KPNA4: variants seen among roughly 807,000 people sequenced by gnomAD.
The protein encoded by KPNA4 is importin subunit alpha-3.
A neutral mutation model predicts 71.3 loss-of-function variants in KPNA4; 13 were observed. The ratio of observed to expected loss-of-function variants is 0.18; its 90% CI spans 0.12 to 0.29. The LOEUF (loss-of-function observed/expected upper bound fraction) is 0.29. KPNA4 is among the 10% of genes least tolerant of loss of function. The probability of loss-of-function intolerance (pLI) is 1.00; values close to 1 mark genes in which losing one functional copy is unlikely to be tolerated. For synonymous variants in KPNA4, 189 were observed against 195.2 expected (o/e 0.97, Z 0.26); for missense variants, 334 against 603.2 (o/e 0.55, Z 4.67).
chr3:160,558,691 CT>C (rs1400958090), intron 1 of KPNA4, among the ~76,000 whole-genome samples: 1 of 152,122 alleles, frequency 6.6e-6, no homozygotes, highest in African/African-American at 2.4e-5. Context: ...TATGTGGGTC[CT>C]GAGACCTTTA....
chr3:160,531,753 C>T (rs1192704232), intron 5 of KPNA4, among the ~76,000 whole-genome samples, 196 bp from the exon 6 acceptor site: 1 of 151,436 alleles, frequency 6.6e-6, no homozygotes, highest in Non-Finnish European at 1.5e-5. Flanking sequence ...ATAGAGATGA[C>T]AAATAATTAG....
chr3:160,526,985 TG>T (rs1721473547), intron 8 of KPNA4, among the ~76,000 whole-genome samples: 1 of 152,196 alleles, frequency 6.6e-6, no homozygotes, highest in Non-Finnish European at 1.5e-5. Flanking sequence ...ATGTCAAGAA[TG>T]GTTTACAGAG....
rs200739346 is a variant in KPNA4 at position 160,535,693 on chromosome 3, G to A, written c.205-3C>T. On this transcript the variant is annotated splice_polypyrimidine_tract_variant and splice_region_variant and intron_variant, in intron 3 of 16. Transcript: ENST00000334256. ...ATAGCTTCTAGAGAGGTATTTTGCT[G>A]GGAAAAAAGTTAAAGAGAAAACTCA... The A allele has an allele frequency of 3.9e-4, 617 of 1,569,558 alleles. 2 individuals carry two copies. In the African/African-American group the frequency reaches 7.5e-3, roughly 19 times the overall value.
intron 5 of KPNA4, among the ~76,000 whole-genome samples, chr3:160,532,813 C>T (rs796645180): frequency 1.3e-5 from 2 of 152,228 alleles, no homozygotes; most frequent in South Asian, 4.1e-4. Flanking sequence ...TATAACTAAT[C>T]TTATTCTGTG....
chr3:160,512,823 G>A lies in KPNA4; in HGVS notation c.1137+1254C>T, dbSNP rs529863574. 8.6e-5 allele frequency among the ~76,000 whole-genome samples: 13 copies of A among 151,122 alleles called. No individual in the cohort carries two copies. The South Asian group carries it at 1.3e-3, about 15-fold the overall frequency. On this transcript the variant is annotated intron_variant, in intron 13 of 16. Coordinates refer to ENST00000334256, the MANE Select transcript of KPNA4 (RefSeq NM_002268.5). ...CTCTAGCCTGGGTGACAGCGAGACC[G>A]TCTAAAAAAAAACAACAAAACAAAA... is the stretch of plus-strand genomic sequence containing the variant.
rs1166558472 is a variant in KPNA4 at position 160,501,427 on chromosome 3, T to C, written c.*677A>G. On this transcript the variant is annotated 3_prime_UTR_variant, in exon 17 of 17. Coordinates refer to ENST00000334256, the MANE Select transcript of KPNA4 (RefSeq NM_002268.5). Reference sequence around the variant, plus strand: ...TCTTTGTTTTCATGTCCAGTGTACATTAACACTTATGATCTCATTTTGATG... The same window carrying C: ...TCTTTGTTTTCATGTCCAGTGTACACTAACACTTATGATCTCATTTTGATG... The C allele has an allele frequency of 6.6e-6, 1 of 152,516 alleles. No individual in the cohort carries two copies. The highest frequency in any genetic ancestry group is 1.9e-4 in the East Asian group (1 of 5,198). 9.4% of individuals were successfully genotyped at this position (152,516 alleles called of 1,614,324 possible).
chr3:160,532,974 T>A (rs1721602384), intron 5 of KPNA4, among the ~76,000 whole-genome samples: 1 of 152,206 alleles, frequency 6.6e-6, no homozygotes, highest in South Asian at 2.1e-4. Flanking sequence ...CATAACACCA[T>A]CTTTGAATTT....
chr3:160,503,944 C>G (rs1295190088), intron 16 of KPNA4, among the ~76,000 whole-genome samples: 4 of 152,048 alleles, frequency 2.6e-5, no homozygotes, highest in African/African-American at 9.7e-5. Context: ...GTTATCCGGG[C>G]ATAGTGGCAA....
intron 11 of KPNA4, among the ~76,000 whole-genome samples, chr3:160,518,943 G>GTCTA (rs1721289827): frequency 6.6e-6 from 1 of 152,174 alleles, no homozygotes; most frequent in African/African-American, 2.4e-5. Context: ...TGATCTGCAT[G>GTCTA]TCTATATTTA....
intron 12 of KPNA4, among the ~76,000 whole-genome samples, chr3:160,514,513 T>C (rs925673562): frequency 2.0e-5 from 3 of 152,334 alleles, no homozygotes; most frequent in African/African-American, 4.8e-5. Context: ...ATAATGAGTA[T>C]AATACAAATA....
At chr3:160,547,332 C>G (rs772197544) in intron 1 of KPNA4, among the ~76,000 whole-genome samples, 4 of 152,186 alleles carry the variant, frequency 2.6e-5, no homozygotes, top group Non-Finnish European at 5.9e-5. Context: ...ATTAGATTCT[C>G]ATGGGTGTTT....
At chr3:160,529,125 G>C (rs1021270242) in intron 7 of KPNA4, among the ~76,000 whole-genome samples, 1 of 151,942 alleles carries the variant, frequency 6.6e-6, no homozygotes, top group African/African-American at 2.4e-5. Context: ...GTAGAGATGG[G>C]GTTTTACCAT....
intron 10 of KPNA4, 141 bp from the exon 11 acceptor site, chr3:160,522,051 G>A (rs1031355744): frequency 5.7e-5 from 39 of 680,824 alleles, no homozygotes; most frequent in Middle Eastern, 4.1e-4. Flanking sequence ...GAATCTGATC[G>A]CTACGGTATT....
chr3:160,505,076 A>G, intron 15 of KPNA4, 24 bp from the exon 16 acceptor site: 1 of 1,261,742 alleles, frequency 7.9e-7, no homozygotes, highest in Non-Finnish European at 1.1e-6. Flanking sequence ...TGCAATGTGA[A>G]ACAATAGTAA....
In KPNA4 at chr3:160,508,135, G is replaced by A; in HGVS notation, c.1344C>T (p.Thr448=). 1 of 1,604,986 alleles carries A rather than the reference G, an allele frequency of 6.2e-7. No individual in the cohort carries two copies. The highest frequency in any genetic ancestry group is 2.3e-5 in the East Asian group (1 of 44,212). Reference sequence around the variant, plus strand: ...CACATTCTTCTATAAGATTGCCTATGGTTTCTGCCTCATCTTCAGCCATTT... The same window carrying A: ...CACATTCTTCTATAAGATTGCCTATAGTTTCTGCCTCATCTTCAGCCATTT... The part of the protein sequence containing the change: ...ILKMAEDEAE[T]IGNLIEECGG... Residue 448 remains threonine (T), a synonymous_variant, in exon 15 of 17, where the codon ACC becomes ACT. Transcript: ENST00000334256.
chr3:160,514,848 ATAAC>A, intron 12 of KPNA4: 1 of 434,298 alleles, frequency 2.3e-6, no homozygotes, highest in Admixed American at 2.6e-5. Flanking sequence ...ATAATCATAG[ATAAC>A]TAATAAGTTT....
intron 1 of KPNA4, among the ~76,000 whole-genome samples, chr3:160,547,374 A>G (rs1373245117): frequency 2.6e-5 from 4 of 152,034 alleles, no homozygotes; most frequent in African/African-American, 7.3e-5. Flanking sequence ...CCAATTTTAT[A>G]TATTTAGGAT....
intron 11 of KPNA4, among the ~76,000 whole-genome samples, chr3:160,516,761 G>GACTT (rs1301052176): frequency 1.3e-5 from 2 of 152,002 alleles, no homozygotes; most frequent in Non-Finnish European, 2.9e-5. Flanking sequence ...AACAGAGTAA[G>GACTT]ACCCTGTCAA....
At position 160,512,046 on chromosome 3, in the gene KPNA4, A is replaced by G. The variant is rs539764528; in HGVS notation, c.1137+2031T>C. ...GAACTCTCATGTTCCTGAACTCATC[A>G]TCTTTCACTTTCTACAATGCCTATC... is the stretch of plus-strand genomic sequence containing the variant. On this transcript the variant is annotated intron_variant, in intron 13 of 16. Transcript: ENST00000334256. 2.0e-5 allele frequency among the ~76,000 whole-genome samples: 3 copies of G among 152,280 alleles called. No homozygotes were observed. In the South Asian group the frequency reaches 6.2e-4, roughly 32 times the overall value.
Sources: allele counts gnomAD v4.1 joint callset (sites outside exome capture counted in the v4.1 genomes callset), GRCh38; gene constraint gnomAD v4.1.1; transcripts MANE v1.5; gene names NCBI Gene and HGNC (gene_info 2026-07-23, HGNC 2026-07-21).